Variants in ZFHX3 observed in about 807,000 individuals in gnomAD.
The protein encoded by ZFHX3 is zinc finger homeobox 3, also known as zinc finger homeobox protein 3.
A neutral mutation model predicts 279.1 loss-of-function variants in ZFHX3; 42 were observed. That is an observed-to-expected ratio of 0.15 (90% CI 0.12 to 0.19). The LOEUF is 0.19. Among genes scored for constraint, ZFHX3 ranks in the 10% least tolerant of loss-of-function variants. The pLI, the probability that ZFHX3 is intolerant of heterozygous loss-of-function variation, is 1.00. For missense variants in ZFHX3, 4,981 were observed against 4,754.0 expected, an observed-to-expected ratio of 1.05 and a Z score of -1.40; for synonymous variants, 2,293 against 1,957.8, an observed-to-expected ratio of 1.17 and a Z score of -4.52.
intron 2 of ZFHX3, among the ~76,000 whole-genome samples, chr16:73,569,213 C>T (rs1216933380): frequency 6.6e-6 from 1 of 152,112 alleles, no homozygotes; most frequent in African/African-American, 2.4e-5. Context: ...CAGACAGAAA[C>T]CTTTTATGTC....
At chr16:73,348,918 G>A (rs1039445873) in intron 3 of ZFHX3, among the ~76,000 whole-genome samples, 3 of 152,114 alleles carry the variant, frequency 2.0e-5, no homozygotes, top group Non-Finnish European at 2.9e-5. Flanking sequence ...ACCTTGGTTC[G>A]GTGGAAAATC....
At chr16:72,994,142 T>C (rs1211967685) in intron 1 of ZFHX3, among the ~76,000 whole-genome samples, 2 of 152,254 alleles carry the variant, frequency 1.3e-5, no homozygotes, top group Non-Finnish European at 2.9e-5. Flanking sequence ...ACTGTGGTTT[T>C]GTTCTCTCTT....
At chr16:72,991,155 T>C (rs928987018) in intron 1 of ZFHX3, among the ~76,000 whole-genome samples, 1 of 152,166 alleles carries the variant, frequency 6.6e-6, no homozygotes, top group Non-Finnish European at 1.5e-5. Flanking sequence ...TAAGATATTC[T>C]GAGAGAGAGG....
At chr16:73,013,774 A>G (rs1964000748) in intron 1 of ZFHX3, among the ~76,000 whole-genome samples, 1 of 152,084 alleles carries the variant, frequency 6.6e-6, no homozygotes, top group Admixed American at 6.5e-5. Context: ...TAAGGCTGTA[A>G]TATTTGGTTT....
intron 2 of ZFHX3, among the ~76,000 whole-genome samples, chr16:73,635,522 T>C (rs759362364): frequency 2.0e-5 from 3 of 152,228 alleles, no homozygotes; most frequent in Admixed American, 1.3e-4. Context: ...AGGTTTGTAA[T>C]GGTGGGTTGG....
At chr16:73,854,446 G>C (rs1372357311) in intron 1 of ZFHX3, among the ~76,000 whole-genome samples, 1 of 152,076 alleles carries the variant, frequency 6.6e-6, no homozygotes, top group Non-Finnish European at 1.5e-5. Flanking sequence ...AGAATTGCTT[G>C]AACCCAGGAG....
At chr16:73,620,268 A>G (rs906449706) in intron 2 of ZFHX3, among the ~76,000 whole-genome samples, 1 of 152,266 alleles carries the variant, frequency 6.6e-6, no homozygotes, top group African/African-American at 2.4e-5. Flanking sequence ...GCACCAGTGT[A>G]ATAGTACACA....
At chr16:73,135,598 G>A (rs1173071147) in intron 6 of ZFHX3, among the ~76,000 whole-genome samples, 1 of 152,186 alleles carries the variant, frequency 6.6e-6, no homozygotes, top group Non-Finnish European at 1.5e-5. Flanking sequence ...AATGTGGCCT[G>A]TGGAAGTCTT....
chr16:73,599,216 C>T (rs1353094003), intron 2 of ZFHX3, among the ~76,000 whole-genome samples: 9 of 152,214 alleles, frequency 5.9e-5, no homozygotes, highest in Admixed American at 5.9e-4. Flanking sequence ...TCTGTTATCC[C>T]TCCATTAGCC....
intron 1 of ZFHX3, among the ~76,000 whole-genome samples, chr16:73,018,997 C>T (rs1386631886): frequency 6.6e-6 from 1 of 152,232 alleles, no homozygotes; most frequent in African/African-American, 2.4e-5. Flanking sequence ...CGCTGTATCA[C>T]ACACTCATTG....
intron 2 of ZFHX3, among the ~76,000 whole-genome samples, chr16:73,647,465 C>G (rs977747744): frequency 6.6e-6 from 1 of 152,218 alleles, no homozygotes; most frequent in South Asian, 2.1e-4. Flanking sequence ...GCGGCACTTA[C>G]CGCTTCACTC....
chr16:73,557,647 A>G (rs868752227), intron 2 of ZFHX3, among the ~76,000 whole-genome samples: 2 of 152,304 alleles, frequency 1.3e-5, no homozygotes, highest in Middle Eastern at 3.4e-3. Flanking sequence ...GAGGACGACC[A>G]GAGGTCACTC....
At chr16:73,475,599 G>A (rs917325843) in intron 2 of ZFHX3, among the ~76,000 whole-genome samples, 4 of 151,932 alleles carry the variant, frequency 2.6e-5, no homozygotes, top group African/African-American at 9.7e-5. Flanking sequence ...CATATAAAAA[G>A]TACTAAAGTT....
intron 3 of ZFHX3, among the ~76,000 whole-genome samples, chr16:73,319,611 T>G (rs1217016934): frequency 6.6e-6 from 1 of 151,532 alleles, no homozygotes; most frequent in Non-Finnish European, 1.5e-5. Flanking sequence ...CATCTCTTTT[T>G]GATCAAACTG....
chr16:73,697,836 G>A (rs924103105), intron 1 of ZFHX3, among the ~76,000 whole-genome samples: 3 of 152,150 alleles, frequency 2.0e-5, no homozygotes, highest in Non-Finnish European at 4.4e-5. Flanking sequence ...TGCATGGGCT[G>A]GAAAACGTAT....
At chr16:73,130,393 C>T (rs1212534758) in intron 7 of ZFHX3, among the ~76,000 whole-genome samples, 1 of 152,114 alleles carries the variant, frequency 6.6e-6, no homozygotes, top group Non-Finnish European at 1.5e-5. Flanking sequence ...TCCTTTTGGT[C>T]TTTACAGACA....
At chr16:73,888,441 T>A (rs976098295) in intron 1 of ZFHX3, among the ~76,000 whole-genome samples, 2 of 152,090 alleles carry the variant, frequency 1.3e-5, no homozygotes, top group African/African-American at 4.8e-5. Context: ...AAAATAGTAA[T>A]AATAATAAAG....
chr16:73,291,043 G>T (rs72797377), intron 4 of ZFHX3, among the ~76,000 whole-genome samples: 10,889 of 152,216 alleles, frequency 0.072, 511 homozygotes, highest in South Asian at 0.21. Context: ...ACACATTCTA[G>T]CCAATCAAGT....
intron 4 of ZFHX3, among the ~76,000 whole-genome samples, chr16:72,882,982 GT>G (rs2038525933): frequency 1.4e-4 from 3 of 20,802 alleles, no homozygotes; most frequent in Non-Finnish European, 3.6e-4. Flanking sequence ...TCTGGGGTGT[GT>G]GTGTGTGTGT....
Sources: gnomAD v4.1 joint callset for allele counts (sites outside exome capture counted in the v4.1 genomes callset) on GRCh38, gnomAD v4.1.1 for gene constraint, MANE v1.5 for transcripts, NCBI Gene and HGNC (gene_info 2026-07-23, HGNC 2026-07-21) for gene names.